The following DNMT3B variants were observed in gnomAD, a reference collection of about 807,000 sequenced individuals.
DNMT3B encodes the protein DNA (cytosine-5)-methyltransferase 3B.
DNMT3B carries 37 observed loss-of-function variants against 120.2 expected under a neutral mutation model. The observed-to-expected ratio is 0.31, with a 90% CI of 0.24 to 0.40. The LOEUF (loss-of-function observed/expected upper bound fraction) is 0.40, where lower values mean the gene tolerates loss of function less well. DNMT3B is among the 10% of genes least tolerant of loss of function. The pLI is 1.00. For missense variants in DNMT3B, 878 were observed against 1,137.3 expected, an observed-to-expected ratio of 0.77 and a Z score of 3.28; for synonymous variants, 412 against 442.8, an observed-to-expected ratio of 0.93 and a Z score of 0.87.
chr20:32,777,744 C>G (rs1601066439), intron 1 of DNMT3B, among the ~76,000 whole-genome samples: 1 of 152,294 alleles, frequency 6.6e-6, no homozygotes, highest in East Asian at 1.9e-4. Context: ...CAGCAGCTTT[C>G]CTGGGATTCT....
At chr20:32,789,425 T>C (rs2145963530) in intron 7 of DNMT3B, among the ~76,000 whole-genome samples, 1 of 152,224 alleles carries the variant, frequency 6.6e-6, no homozygotes, top group East Asian at 1.9e-4. Context: ...GGGTTTAGGG[T>C]CACCTGGTAT....
chr20:32,806,684 A>G (rs973001226), intron 22 of DNMT3B, among the ~76,000 whole-genome samples: 4 of 152,220 alleles, frequency 2.6e-5, no homozygotes, highest in African/African-American at 7.2e-5. Context: ...TGCTCATTCT[A>G]TAAATGATTC....
chr20:32,796,163 C>T (rs1406858703), intron 12 of DNMT3B, among the ~76,000 whole-genome samples: 1 of 152,150 alleles, frequency 6.6e-6, no homozygotes, highest in Non-Finnish European at 1.5e-5. Context: ...CCCCTAGTTA[C>T]TCAATGTTGA....
At position 32,762,638 on chromosome 20, in the gene DNMT3B, C is replaced by G. The variant is rs765982479; in HGVS notation, c.-68C>G. On this transcript the variant is annotated 5_prime_UTR_variant, in exon 1 of 23. Coordinates refer to ENST00000328111, the MANE Select transcript of DNMT3B (RefSeq NM_006892.4). ...CCTGCACGGCCGCCAGCCGGCCTCCCGCCAGCCAGCCCCGACCCGCGGCTC... is the reference window on the plus strand; with the variant it reads ...CCTGCACGGCCGCCAGCCGGCCTCCGGCCAGCCAGCCCCGACCCGCGGCTC... 6 of 275,788 alleles carry G rather than the reference C, an allele frequency of 2.2e-5. No homozygotes were observed. Among genetic ancestry groups the G allele is most frequent in the South Asian group, 1.5e-4 (5 of 33,280 alleles). 17.1% of individuals were successfully genotyped at this position (275,788 alleles called of 1,614,324 possible). A position where few individuals can be genotyped will look rare whatever the true frequency, so the allele number is the denominator to read the frequency against.
At chr20:32,770,270 A>T (rs1167859211) in intron 1 of DNMT3B, among the ~76,000 whole-genome samples, 1 of 150,452 alleles carries the variant, frequency 6.6e-6, no homozygotes, top group African/African-American at 2.4e-5. Context: ...CCGCCACCTC[A>T]TCAGGCTAGT....
At chr20:32,778,996 C>G (rs1194738025) in intron 1 of DNMT3B, among the ~76,000 whole-genome samples, 1 of 152,120 alleles carries the variant, frequency 6.6e-6, no homozygotes, top group East Asian at 1.9e-4. Context: ...AGAAGATAAA[C>G]TGCGAGGCTA....
intron 1 of DNMT3B, among the ~76,000 whole-genome samples, chr20:32,767,080 T>TG (rs538715832): frequency 6.6e-6 from 1 of 151,798 alleles, no homozygotes; most frequent in African/African-American, 2.4e-5. Context: ...TTAGTAGAGA[T>TG]GGGGTTTCTC....
chr20:32,794,398 G>A (rs939661874), intron 10 of DNMT3B, among the ~76,000 whole-genome samples: 2 of 145,688 alleles, frequency 1.4e-5, no homozygotes, highest in African/African-American at 2.5e-5. Flanking sequence ...AGAAAAAAAC[G>A]AGGCCAGGTG....
chr20:32,798,725 T>A (rs1980961297), intron 15 of DNMT3B, 82 bp downstream of exon 15: 2 of 1,587,384 alleles, frequency 1.3e-6, no homozygotes, highest in Non-Finnish European at 1.7e-6. Context: ...TCAGAAAGAG[T>A]AATAGAAGTA....
chr20:32,780,042 C>T, intron 1 of DNMT3B: 3 of 1,579,390 alleles, frequency 1.9e-6, no homozygotes, highest in Non-Finnish European at 8.6e-7. Flanking sequence ...GCAGTCTGAG[C>T]CTGAGACCCC....
intron 1 of DNMT3B, among the ~76,000 whole-genome samples, chr20:32,772,600 T>A (rs1987806537): frequency 1.3e-5 from 2 of 149,688 alleles, no homozygotes; most frequent in Non-Finnish European, 2.9e-5. Flanking sequence ...GACCACTCCT[T>A]GGGGCTGCCA....
chr20:32,800,870 C>T lies in DNMT3B; in HGVS notation c.1941C>T (p.Gly647=), dbSNP rs761787019. ...GGGGCCCATTTGACTTGGTGATTGGCGGAAGCCCATGCAACGATCTCTCAA... is the reference window on the plus strand; with the variant it reads ...GGGGCCCATTTGACTTGGTGATTGGTGGAAGCCCATGCAACGATCTCTCAA... ...EEWGPFDLVI[G]GSPCNDLSNV... is the part of the protein sequence containing the mutation. Residue 647 remains glycine, a synonymous_variant, in exon 18 of 23, where the codon GGC becomes GGT. Coordinates refer to ENST00000328111, the MANE Select transcript of DNMT3B (RefSeq NM_006892.4). The T allele has an allele frequency of 5.0e-6, 8 of 1,614,206 alleles. No homozygotes were observed. In the Admixed American group the frequency reaches 5.0e-5, roughly 10 times the overall value.
At chr20:32,802,355 TC>T (rs1444994138) in intron 19 of DNMT3B, 29 bp from the exon 20 acceptor site, 1 of 1,610,604 alleles carries the variant, frequency 6.2e-7, no homozygotes, top group South Asian at 1.1e-5. Context: ...AATAATAGGC[TC>T]CTAACAGTAA....
chr20:32,764,503 G>T (rs1987180148), intron 1 of DNMT3B, among the ~76,000 whole-genome samples: 1 of 152,126 alleles, frequency 6.6e-6, no homozygotes, highest in African/African-American at 2.4e-5. Flanking sequence ...TCCTTTTCCT[G>T]CCTTCATGAA....
chr20:32,787,476 C>G, intron 6 of DNMT3B, 25 bp downstream of exon 6: 1 of 1,605,678 alleles, frequency 6.2e-7, no homozygotes. Context: ...GGCTCCTGCC[C>G]AGGGTGACTG....
intron 1 of DNMT3B, among the ~76,000 whole-genome samples, chr20:32,779,073 A>G (rs903615631): frequency 8.5e-5 from 13 of 152,206 alleles, no homozygotes; most frequent in African/African-American, 3.1e-4. Flanking sequence ...GGCCCGGTGC[A>G]TATGGCAGCA....
Position 32,780,300 on chromosome 20 carries a change from T to A in DNMT3B, c.-6-18T>A. The A allele has an allele frequency of 1.2e-6, 2 of 1,613,708 alleles. No individual in the cohort carries two copies. Among genetic ancestry groups the A allele is most frequent in the South Asian group, 2.2e-5 (2 of 91,072 alleles). On this transcript the variant is annotated intron_variant, in intron 1 of 22. Transcript: ENST00000328111. ...CCCTGCTTCCCTTTCACCCCACCCA[T>A]TCTGGCTTCTCCCACAGGAAAGCAT...
At chr20:32,796,273 G>T (rs1001322309) in intron 12 of DNMT3B, among the ~76,000 whole-genome samples, 1 of 152,168 alleles carries the variant, frequency 6.6e-6, no homozygotes, top group Non-Finnish European at 1.5e-5. Context: ...GCTAGGTAGG[G>T]ATGCTTGTTT....
rs1601053873 is a variant in DNMT3B at position 32,772,345 on chromosome 20, A to G, written c.-6-7973A>G. On this transcript the variant is annotated intron_variant, in intron 1 of 22. Transcript: ENST00000328111. ...GTATTTAGGCTTAAGATGACTAAAT[A>G]CTGTGTAGATAGGTAGACTTGAGAT... 3.9e-5 allele frequency among the ~76,000 whole-genome samples: 6 copies of G among 152,366 alleles called. 1 individual carries two copies. In the East Asian group the frequency reaches 1.2e-3, roughly 29 times the overall value.
Sources: gnomAD v4.1 joint callset for allele counts (sites outside exome capture counted in the v4.1 genomes callset) on GRCh38, gnomAD v4.1.1 for gene constraint, MANE v1.5 for transcripts, NCBI Gene and HGNC (gene_info 2026-07-23, HGNC 2026-07-21) for gene names.